The following SCNN1A variants were observed in gnomAD, a reference collection of about 807,000 sequenced individuals.
SCNN1A encodes the protein sodium channel epithelial 1 subunit alpha, also known as epithelial sodium channel subunit alpha.
In SCNN1A, 65 loss-of-function variants were observed where a neutral mutation model predicts 68.6. The ratio of observed to expected loss-of-function variants is 0.95; its 90% CI spans 0.78 to 1.16. SCNN1A has a LOEUF of 1.16. Ranked by LOEUF, SCNN1A falls within the 50% of genes most tolerant of loss-of-function variation. The pLI is 0.00. For missense variants in SCNN1A, 880 were observed against 865.9 expected (o/e 1.02, Z -0.20); for synonymous variants, 357 against 353.3 (o/e 1.01, Z -0.12).
rs554806510 is a variant in SCNN1A, at chr12:6,358,498, T to C, written c.876-2618A>G. On this transcript the variant is annotated intron_variant, in intron 4 of 12. Coordinates refer to ENST00000228916, the MANE Select transcript of SCNN1A (RefSeq NM_001038.6). ...ACAAAAACATGTACAGGAATGTTCA[T>C]AGCAGCATTAATCATAACAGCCAAA... is the stretch of plus-strand genomic sequence containing the variant. Among the ~76,000 whole-genome samples, 44 of 152,280 alleles carry C rather than the reference T, an allele frequency of 2.9e-4. 1 individual carries two copies. In the South Asian group the frequency reaches 4.1e-3, roughly 14 times the overall value.
rs1255717452 is a variant in SCNN1A, at chr12:6,372,140, A to G, written c.416+2228T>C. ...ATTACAGGCGTGAGGCACCATGCCCAGCGGTTATTTTTTAATTTAATAAAT... is the reference window on the plus strand; with the variant it reads ...ATTACAGGCGTGAGGCACCATGCCCGGCGGTTATTTTTTAATTTAATAAAT... On this transcript the variant is annotated intron_variant, in intron 2 of 12. Coordinates refer to ENST00000228916, the MANE Select transcript of SCNN1A (RefSeq NM_001038.6). This position sits in a 1 kb window ranked among gnomAD's most constrained non-coding sequence, Gnocchi z 5.8. 6.6e-6 allele frequency among the ~76,000 whole-genome samples: 1 copy of G among 152,188 alleles called. No homozygotes were observed.
At chr12:6,362,982 T>C in intron 3 of SCNN1A, among the ~76,000 whole-genome samples, 1 of 268 alleles carries the variant, frequency 3.7e-3, no homozygotes, top group East Asian at 0.12. Context: ...CGCCCCCAGC[T>C]AAGTTTCCTT....
intron 1 of SCNN1A, 37 bp downstream of exon 1, chr12:6,375,468 A>G (rs1948888226): frequency 6.5e-7 from 1 of 1,535,246 alleles, no homozygotes; most frequent in African/African-American, 1.4e-5. Flanking sequence ...GTTCCTTTCC[A>G]GTTGAATCTG....
rs79885001 is a variant in SCNN1A, at chr12:6,366,234, C to T, written c.417-2524G>A. Among the ~76,000 whole-genome samples, 1,399 of 152,218 alleles carry T rather than the reference C, an allele frequency of 9.2e-3. 22 individuals are homozygous for T. The highest frequency in any genetic ancestry group is 0.08 in the East Asian group (413 of 5,178). The stretch of plus-strand genomic sequence containing the variant: ...AAAATGATACGATCATTTTGGAAAA[C>T]AATCTGGAAGTTCCTCAAAAAGTTA... On this transcript the variant is annotated intron_variant, in intron 2 of 12. Transcript: ENST00000228916.
intron 8 of SCNN1A, among the ~76,000 whole-genome samples, chr12:6,352,979 C>T (rs909807581): frequency 2.0e-5 from 3 of 152,210 alleles, no homozygotes; most frequent in African/African-American, 7.2e-5. Flanking sequence ...AGGGGAGAGC[C>T]CTGGGAGGAG....
intron 2 of SCNN1A, among the ~76,000 whole-genome samples, chr12:6,371,063 CA>C (rs1948779773): frequency 6.6e-6 from 1 of 152,198 alleles, no homozygotes; most frequent in African/African-American, 2.4e-5. Flanking sequence ...GAAAGGTCTT[CA>C]GTGCTTTGTC....
chr12:6,353,694 A>G (rs1358101187), intron 8 of SCNN1A: 1 of 77,592 alleles, frequency 1.3e-5, no homozygotes, highest in Non-Finnish European at 2.2e-5. Flanking sequence ...GGTCCACACC[A>G]TTCTCCTGCC....
chr12:6,348,268 G>A lies in SCNN1A; in HGVS notation c.1630-15C>T. 6.2e-7 allele frequency: 1 copy of A among 1,613,818 alleles called. No homozygotes were observed. On this transcript the variant is annotated splice_polypyrimidine_tract_variant and intron_variant, in intron 12 of 12. Transcript: ENST00000228916. Reference sequence around the variant, plus strand: ...AGGGTGACCATCTGTGAGAGGAGAGGTACATTGACGATGGGACAGAGGGTT... The same window carrying A: ...AGGGTGACCATCTGTGAGAGGAGAGATACATTGACGATGGGACAGAGGGTT...
At chr12:6,375,397 C>T in intron 1 of SCNN1A, 108 bp downstream of exon 1, 2 of 1,499,188 alleles carry the variant, frequency 1.3e-6, no homozygotes, top group Non-Finnish European at 1.8e-6. Flanking sequence ...GACTGCAGGG[C>T]TCCAGGAGGT....
upstream of SCNN1A, chr12:6,377,105 G>A: frequency 1.6e-6 from 1 of 620,246 alleles, no homozygotes; most frequent in Admixed American, 3.1e-5. Context: ...CAAGCAAGGA[G>A]TTTAGCAGGC....
In SCNN1A at chr12:6,347,843, G is replaced by T; in HGVS notation, c.*30C>A. On this transcript the variant is annotated 3_prime_UTR_variant, in exon 13 of 13. Transcript: ENST00000228916. ...GCACCCTCCCACCAGAGGAGCATCT[G>T]CCTTGGTGTGAGAAACCTCTCCTTC... is the stretch of plus-strand genomic sequence containing the variant. 1 of 1,578,576 alleles carries T rather than the reference G, an allele frequency of 6.3e-7. No homozygotes were observed. The highest frequency in any genetic ancestry group is 8.7e-7 in the Non-Finnish European group (1 of 1,155,496).
At position 6,356,446 on chromosome 12, in the gene SCNN1A, GAA is replaced by G. The variant is rs1273975889; in HGVS notation, c.876-568_876-567del. On this transcript the variant is annotated intron_variant, in intron 4 of 12. Transcript: ENST00000228916. ...AATAGTTGTTGAGTGAGGAATGAAT[GAA>G]TGAATGAATGAATGAATGAATGAAG... The G allele has an allele frequency of 4.1e-5, 7 of 170,980 alleles. No homozygotes were observed. The East Asian group carries it at 1.0e-3, about 24-fold the overall frequency. 10.6% of individuals were successfully genotyped at this position (170,980 alleles called of 1,614,324 possible).
chr12:6,350,925 C>A lies in SCNN1A; in HGVS notation c.1361-1520G>T, dbSNP rs141168649. 1.1e-4 allele frequency among the ~76,000 whole-genome samples: 16 copies of A among 151,840 alleles called. No individual in the cohort carries two copies. In the East Asian group the frequency reaches 3.1e-3, roughly 29 times the overall value. The stretch of plus-strand genomic sequence containing the variant: ...TGGCAGGATGTGGAGAAACTGAAAA[C>A]CTCTTATACTGCTGCTAGGGATGTA... On this transcript the variant is annotated intron_variant, in intron 8 of 12. Coordinates refer to ENST00000228916, the MANE Select transcript of SCNN1A (RefSeq NM_001038.6).
chr12:6,375,111 G>A (rs976610234), intron 1 of SCNN1A: 3 of 1,500,930 alleles, frequency 2.0e-6, no homozygotes, highest in Admixed American at 4.1e-5. Flanking sequence ...GCCACCTTTC[G>A]AGTTTTGTCC....
chr12:6,349,709 T>A, intron 8 of SCNN1A: 1 of 242,934 alleles, frequency 4.1e-6, no homozygotes, highest in Non-Finnish European at 8.1e-6. Flanking sequence ...ACCTTGTCTC[T>A]AAAAAAAAAA....
upstream of SCNN1A, chr12:6,375,726 C>G: frequency 7.0e-7 from 1 of 1,422,132 alleles, no homozygotes. Flanking sequence ...GGGCTTTAGA[C>G]GCAGACAGGC....
chr12:6,349,633 A>G (rs373171337), intron 8 of SCNN1A, among the ~76,000 whole-genome samples: 47 of 152,184 alleles, frequency 3.1e-4, no homozygotes, highest in African/African-American at 1.0e-3. Flanking sequence ...GTTTGAGGCC[A>G]GGAGTTCAAG....
Position 6,349,376 on chromosome 12 carries a change from A to G in SCNN1A, c.1390T>C (p.Phe464Leu), listed in dbSNP as rs774440622. The G allele has an allele frequency of 3.7e-6, 6 of 1,607,214 alleles. No individual in the cohort carries two copies. Among genetic ancestry groups the G allele is most frequent in the Non-Finnish European group, 4.2e-6 (5 of 1,176,610 alleles). Reference protein sequence around the residue: ...GYCYYKLQVDFSSDHLGCFTK... With the variant: ...GYCYYKLQVDLSSDHLGCFTK... ...AAACAGCCCAGGTGGTCTGAGGAGA[A>G]GTCAACCTGGAGCTTATAGTAGCAG... Residue 464 changes from phenylalanine (F) to leucine (L), a missense_variant, in exon 9 of 13, where the codon TTC (phenylalanine) becomes CTC (leucine). This residue lies in a region of SCNN1A where 758 missense variants were observed against 721.8 expected (regional missense o/e 1.05). Transcript: ENST00000228916.
intron 3 of SCNN1A, 53 bp downstream of exon 3, chr12:6,363,390 G>A (rs1430517174): frequency 1.0e-5 from 15 of 1,453,370 alleles, no homozygotes; most frequent in East Asian, 5.2e-5. Flanking sequence ...TGGGTGGGCG[G>A]GGCCAGGGGC....
Sources: allele counts gnomAD v4.1 joint callset (sites outside exome capture counted in the v4.1 genomes callset), GRCh38; gene constraint gnomAD v4.1.1; regional missense constraint gnomAD v4.1.1; non-coding constraint Gnocchi (gnomAD v3.1); transcripts MANE v1.5; gene names NCBI Gene and HGNC (gene_info 2026-07-23, HGNC 2026-07-21).